The following SMCO4 variants were observed in gnomAD, a reference collection of about 807,000 sequenced individuals.
SMCO4 encodes the protein single-pass membrane and coiled-coil domain-containing protein 4.
In SMCO4, 4 loss-of-function variants were observed where a neutral mutation model predicts 3.6. The observed-to-expected ratio is 1.11, with a 90% CI of 0.54 to 2.53. SMCO4 has a LOEUF of 2.53. Ranked by LOEUF, SMCO4 falls within the 30% of genes most tolerant of loss-of-function variation. SMCO4 has a pLI of 0.02. For synonymous variants in SMCO4, 36 were observed against 35.3 expected, an observed-to-expected ratio of 1.02 and a Z score of -0.07; for missense variants, 70 against 80.8, an observed-to-expected ratio of 0.87 and a Z score of 0.51.
chr11:93,505,445 C>A (rs1456458713), intron 1 of SMCO4, among the ~76,000 whole-genome samples: 1 of 152,142 alleles, frequency 6.6e-6, no homozygotes, highest in East Asian at 1.9e-4. Flanking sequence ...GTACTCATTA[C>A]ATATTTGAGG....
chr11:93,539,543 CT>C (rs2134641583), intron 1 of SMCO4, among the ~76,000 whole-genome samples: 1 of 152,248 alleles, frequency 6.6e-6, no homozygotes, highest in South Asian at 2.1e-4. Flanking sequence ...AAACTATTTC[CT>C]AATTATTATC....
rs983059312 is a variant in SMCO4, at chr11:93,535,460, G to A, written c.-154+7816C>T. On this transcript the variant is annotated intron_variant, in intron 1 of 2. Coordinates refer to ENST00000298966, the MANE Select transcript of SMCO4 (RefSeq NM_020179.3). ...CTTAAGCAGAGGGAGTCGAGCCAGA[G>A]TCGCCGCGATGGTGTTGTTGGAGAG... 6 of 1,372,750 alleles carry A rather than the reference G, an allele frequency of 4.4e-6. No individual in the cohort carries two copies. In the Admixed American group the frequency reaches 5.4e-5, roughly 12 times the overall value. The allele number at this position is 1,372,750 out of a possible 1,614,324, so 85.0% of individuals were successfully genotyped here. A position where few individuals can be genotyped will look rare whatever the true frequency, so the allele number is the denominator to read the frequency against.
At chr11:93,503,362 T>C (rs1245326544) in intron 1 of SMCO4, among the ~76,000 whole-genome samples, 1 of 152,114 alleles carries the variant, frequency 6.6e-6, no homozygotes, top group Non-Finnish European at 1.5e-5. Context: ...AAGAACAGTA[T>C]GGGGAAAACT....
At chr11:93,551,008 C>A in the SMCO4 span, among the ~76,000 whole-genome samples, 1 of 152,120 alleles carries the variant, frequency 6.6e-6, no homozygotes, top group Non-Finnish European at 1.5e-5. Flanking sequence ...GCAATGAGAA[C>A]GTTTCTAGTC....
the SMCO4 span, among the ~76,000 whole-genome samples, chr11:93,551,673 C>G: frequency 1.1e-4 from 16 of 152,218 alleles, no homozygotes; most frequent in South Asian, 4.1e-4. Context: ...GAGCGGATGG[C>G]TCTATCTAAC....
intron 2 of SMCO4, among the ~76,000 whole-genome samples, chr11:93,479,829 C>G (rs567474381): frequency 1.3e-5 from 2 of 152,238 alleles, no homozygotes; most frequent in South Asian, 4.1e-4. Flanking sequence ...AAGCACCCAC[C>G]GTGTGCCAAG....
upstream of SMCO4, among the ~76,000 whole-genome samples, chr11:93,547,044 T>C (rs1012917058): frequency 6.6e-6 from 1 of 152,224 alleles, no homozygotes; most frequent in Admixed American, 6.5e-5. Flanking sequence ...TGGGAAATAA[T>C]GTAAACAAAA....
intron 1 of SMCO4, among the ~76,000 whole-genome samples, chr11:93,509,209 T>C (rs1948935969): frequency 6.6e-6 from 1 of 151,960 alleles, no homozygotes. Context: ...GAGGATCGCT[T>C]GCACCCAGAA....
At position 93,481,327 on chromosome 11, in the gene SMCO4, G is replaced by A. The variant is rs548222991; in HGVS notation, c.-80-2058C>T. 3.7e-5 allele frequency: 20 copies of A among 545,316 alleles called. No homozygotes were observed. The South Asian group carries it at 1.2e-3, about 32-fold the overall frequency. 33.8% of individuals were successfully genotyped at this position (545,316 alleles called of 1,614,324 possible). A position where few individuals can be genotyped will look rare whatever the true frequency, so the allele number is the denominator to read the frequency against. On this transcript the variant is annotated intron_variant, in intron 2 of 2. Transcript: ENST00000298966. Reference sequence around the variant, plus strand: ...CAGAGCTCTGCCCGCCCGCAGGGACGCGGTACAGGTGGGCTGAGACATCTC... The same window carrying A: ...CAGAGCTCTGCCCGCCCGCAGGGACACGGTACAGGTGGGCTGAGACATCTC...
chr11:93,486,301 C>T (rs1220719175), intron 2 of SMCO4, among the ~76,000 whole-genome samples: 1 of 152,154 alleles, frequency 6.6e-6, no homozygotes, highest in African/African-American at 2.4e-5. Flanking sequence ...TTGCCCCCAC[C>T]CCAAGCAGCT....
At chr11:93,535,757 G>A in intron 1 of SMCO4, 2 of 1,609,104 alleles carry the variant, frequency 1.2e-6, no homozygotes, top group Admixed American at 1.7e-5. Context: ...CTGAAGAAGA[G>A]AGACAAAAAG....
intron 1 of SMCO4, among the ~76,000 whole-genome samples, chr11:93,500,024 T>A (rs1032838414): frequency 1.2e-4 from 19 of 152,122 alleles, no homozygotes; most frequent in African/African-American, 4.6e-4. Flanking sequence ...AAATAAGAGT[T>A]CCCTTGAAAG....
intron 1 of SMCO4, among the ~76,000 whole-genome samples, chr11:93,522,884 C>T (rs1304606234): frequency 6.6e-6 from 1 of 152,186 alleles, no homozygotes; most frequent in Non-Finnish European, 1.5e-5. Context: ...TTGTCTGTAG[C>T]CACAGCAATA....
At chr11:93,502,941 A>G (rs988487284) in intron 1 of SMCO4, among the ~76,000 whole-genome samples, 1 of 152,196 alleles carries the variant, frequency 6.6e-6, no homozygotes, top group Non-Finnish European at 1.5e-5. Flanking sequence ...GTATATGTTA[A>G]TCTTTGTAAT....
At chr11:93,490,959 C>T (rs1311531372) in intron 2 of SMCO4, among the ~76,000 whole-genome samples, 1 of 152,196 alleles carries the variant, frequency 6.6e-6, no homozygotes, top group Non-Finnish European at 1.5e-5. Flanking sequence ...TGACAGTCTT[C>T]GCTACCTTGA....
At chr11:93,542,879 C>A (rs1320646350) in intron 1 of SMCO4, among the ~76,000 whole-genome samples, 1 of 152,234 alleles carries the variant, frequency 6.6e-6, no homozygotes, top group Admixed American at 6.5e-5. Context: ...CATACGGGGC[C>A]CTCCCGGCCG....
intron 2 of SMCO4, chr11:93,481,461 G>C: frequency 1.0e-6 from 1 of 985,428 alleles, no homozygotes; most frequent in Non-Finnish European, 1.2e-6. Flanking sequence ...GATGGAGTAG[G>C]AAGCTGTATA....
chr11:93,519,934 A>G (rs1194434913), intron 1 of SMCO4, among the ~76,000 whole-genome samples: 1 of 152,204 alleles, frequency 6.6e-6, no homozygotes. Context: ...AAAATATAAA[A>G]CCATGAGGAG....
At chr11:93,524,844 G>C (rs555476002) in intron 1 of SMCO4, among the ~76,000 whole-genome samples, 1 of 152,032 alleles carries the variant, frequency 6.6e-6, no homozygotes, top group Non-Finnish European at 1.5e-5. Flanking sequence ...CAAGGTCTTG[G>C]GCAAGGACCC....
Sources: allele counts gnomAD v4.1 joint callset (sites outside exome capture counted in the v4.1 genomes callset), GRCh38; gene constraint gnomAD v4.1.1; transcripts MANE v1.5; gene names NCBI Gene and HGNC (gene_info 2026-07-23, HGNC 2026-07-21).